The following C4orf51 variants were observed in gnomAD, a reference collection of about 807,000 sequenced individuals.
C4orf51 encodes chromosome 4 open reading frame 51.
Under a neutral mutation model 25.2 loss-of-function variants are expected in C4orf51, and 25 were observed. The observed-to-expected ratio is 0.99, with a 90% CI of 0.72 to 1.39. The LOEUF (loss-of-function observed/expected upper bound fraction) is 1.39. Among genes scored for constraint, C4orf51 ranks in the 40% most tolerant of loss-of-function variants. C4orf51 has a pLI of 0.00. For synonymous variants in C4orf51, 100 were observed against 84.5 expected, an observed-to-expected ratio of 1.18 and a Z score of -1.01; for missense variants, 252 against 239.6, an observed-to-expected ratio of 1.05 and a Z score of -0.34.
At chr4:145,684,602 G>A (rs985709862) in intron 1 of C4orf51, among the ~76,000 whole-genome samples, 1 of 152,196 alleles carries the variant, frequency 6.6e-6, no homozygotes, top group Non-Finnish European at 1.5e-5. Flanking sequence ...TATGGGCTTG[G>A]GCTGATAATT....
At chr4:145,751,823 T>G (rs1047685768) in intron 1 of C4orf51, among the ~76,000 whole-genome samples, 6 of 152,182 alleles carry the variant, frequency 3.9e-5, no homozygotes, top group African/African-American at 1.2e-4. Context: ...TGCTCTCTTC[T>G]ACTGTGGCTA....
At chr4:145,784,633 CATA>C in the C4orf51 span, among the ~76,000 whole-genome samples, 2 of 152,274 alleles carry the variant, frequency 1.3e-5, no homozygotes, top group Non-Finnish European at 2.9e-5. Context: ...TTTTATGAAG[CATA>C]ATATTTGTAA....
intron 1 of C4orf51, among the ~76,000 whole-genome samples, chr4:145,767,472 TC>T (rs1735480500): frequency 6.6e-6 from 1 of 152,008 alleles, no homozygotes. Context: ...CCAAAAATTT[TC>T]CAAATTTGAG....
chr4:145,688,310 A>G (rs1729305355), intron 1 of C4orf51, among the ~76,000 whole-genome samples: 3 of 152,186 alleles, frequency 2.0e-5, no homozygotes, highest in Admixed American at 1.3e-4. Flanking sequence ...ACCAGAAGAC[A>G]TTAGAGAAAA....
intron 2 of C4orf51, among the ~76,000 whole-genome samples, chr4:145,706,119 G>A (rs944142282): frequency 7.2e-5 from 11 of 152,126 alleles, no homozygotes; most frequent in African/African-American, 2.7e-4. Context: ...TCTAATAATA[G>A]GTGTACCATA....
At position 145,680,331 on chromosome 4, in the gene C4orf51, C is replaced by A; in HGVS notation, c.128C>A (p.Ser43Tyr). The change falls in exon 1 of 6, where the codon TCT (serine) becomes TAT (tyrosine). Residue 43 changes from serine to tyrosine, a missense_variant. Coordinates refer to ENST00000438731, the MANE Select transcript of C4orf51 (RefSeq NM_001080531.3). ...SWQDETRWSD[S>Y]SVTTYTGSYR... The stretch of plus-strand genomic sequence containing the variant: ...CAGGATGAAACACGATGGTCAGATT[C>A]TTCCGTGACAACATACACAGGCAGT... The A allele has an allele frequency of 6.2e-7, 1 of 1,613,976 alleles. No homozygotes were observed. Among genetic ancestry groups the A allele is most frequent in the South Asian group, 1.1e-5 (1 of 91,072 alleles).
intron 5 of C4orf51, among the ~76,000 whole-genome samples, chr4:145,730,938 C>A (rs1732423301): frequency 6.6e-6 from 1 of 152,186 alleles, no homozygotes; most frequent in Non-Finnish European, 1.5e-5. Context: ...CAGTTTTTCT[C>A]AACTTTTCTG....
intron 2 of C4orf51, among the ~76,000 whole-genome samples, chr4:145,717,212 C>G (rs1036865932): frequency 6.6e-6 from 1 of 152,080 alleles, no homozygotes. Context: ...ACATGAGTAG[C>G]GAAAGCAATA....
chr4:145,770,326 AT>A (rs1399719508), intron 1 of C4orf51, among the ~76,000 whole-genome samples: 129 of 149,082 alleles, frequency 8.7e-4, no homozygotes, highest in Non-Finnish European at 1.7e-3. Flanking sequence ...AAATAAATAA[AT>A]AAATAAATAA....
At position 145,738,288 on chromosome 4, in the gene C4orf51, A is replaced by G. The variant is rs1203253610; in HGVS notation, n.167+5669A>G. Reference sequence around the variant, plus strand: ...AATATGGTGAAACCCCGTCTCTACTAAAAACACAAAAATTACCCAGGAGTG... The same window carrying G: ...AATATGGTGAAACCCCGTCTCTACTGAAAACACAAAAATTACCCAGGAGTG... On this transcript the variant is annotated intron_variant and non_coding_transcript_variant, in intron 1 of 1. Transcript: ENST00000508981. Among the ~76,000 whole-genome samples, 3 of 152,164 alleles carry G rather than the reference A, an allele frequency of 2.0e-5. No individual in the cohort carries two copies. The East Asian group carries it at 5.8e-4, about 30-fold the overall frequency.
At chr4:145,700,006 C>A (rs1466215451) in intron 2 of C4orf51, among the ~76,000 whole-genome samples, 1 of 152,128 alleles carries the variant, frequency 6.6e-6, no homozygotes, top group Non-Finnish European at 1.5e-5. Flanking sequence ...GGGCAAGAAC[C>A]CCCAATCCCT....
chr4:145,693,039 A>C (rs1437713620), intron 1 of C4orf51, among the ~76,000 whole-genome samples: 1 of 102,032 alleles, frequency 9.8e-6, no homozygotes, highest in South Asian at 2.9e-4. Flanking sequence ...TTTTTTATTA[A>C]ATTTATTTTT....
At chr4:145,773,428 T>C (rs1252448689), downstream of C4orf51, among the ~76,000 whole-genome samples, 1 of 152,210 alleles carries the variant, frequency 6.6e-6, no homozygotes, top group Non-Finnish European at 1.5e-5. Flanking sequence ...GCTGTGTACA[T>C]CGTCAGCACA....
At chr4:145,680,551 A>G (rs1728772262) in intron 1 of C4orf51, 115 bp downstream of exon 1, 2 of 720,570 alleles carry the variant, frequency 2.8e-6, no homozygotes, top group Admixed American at 2.8e-5. Context: ...AACCCTCTGT[A>G]TTTTCTTTTG....
the C4orf51 span, among the ~76,000 whole-genome samples, chr4:145,786,541 C>T: frequency 6.6e-6 from 1 of 152,092 alleles, no homozygotes; most frequent in Non-Finnish European, 1.5e-5. Flanking sequence ...TTGAGGCATA[C>T]CTCAAACTGA....
intron 5 of C4orf51, among the ~76,000 whole-genome samples, chr4:145,730,203 A>T (rs974413186): frequency 6.6e-6 from 1 of 152,248 alleles, no homozygotes; most frequent in African/African-American, 2.4e-5. Context: ...TTTTGGAAAC[A>T]AGCCCCTAAG....
intron 1 of C4orf51, among the ~76,000 whole-genome samples, chr4:145,750,729 C>G (rs1350134124): frequency 3.3e-5 from 5 of 152,106 alleles, no homozygotes; most frequent in African/African-American, 4.8e-5. Context: ...AATAAACTTT[C>G]TACCCCTATC....
chr4:145,776,293 CA>C, the C4orf51 span, among the ~76,000 whole-genome samples: 209 of 151,856 alleles, frequency 1.4e-3, 1 homozygote, highest in African/African-American at 4.8e-3. Flanking sequence ...TCCATCTCTA[CA>C]AAAAAATTTT....
chr4:145,728,902 G>C (rs1732261077), intron 3 of C4orf51, among the ~76,000 whole-genome samples: 1 of 151,374 alleles, frequency 6.6e-6, no homozygotes, highest in Non-Finnish European at 1.5e-5. Context: ...TTATTACAGT[G>C]GTGGCTTTTT....
Sources: allele counts gnomAD v4.1 joint callset (sites outside exome capture counted in the v4.1 genomes callset), GRCh38; gene constraint gnomAD v4.1.1; transcripts MANE v1.5; gene names NCBI Gene and HGNC (gene_info 2026-07-23, HGNC 2026-07-21).